LPP: variants seen among roughly 807,000 people sequenced by gnomAD.
LPP encodes LIM domain containing preferred translocation partner in lipoma, also known as lipoma-preferred partner.
Under a neutral mutation model 60.4 loss-of-function variants are expected in LPP, and 38 were observed. The ratio of observed to expected loss-of-function variants is 0.63; its 90% CI spans 0.49 to 0.83. The LOEUF (loss-of-function observed/expected upper bound fraction) is 0.83, where lower values mean the gene tolerates loss of function less well. Ranked by LOEUF, LPP falls within the 40% of genes least tolerant of loss-of-function variation. The pLI, the probability that LPP is intolerant of heterozygous loss-of-function variation, is 0.00. For synonymous variants in LPP, 328 were observed against 290.8 expected (o/e 1.13, Z -1.30); for missense variants, 902 against 783.6 (o/e 1.15, Z -1.80).
intron 6 of LPP, among the ~76,000 whole-genome samples, chr3:188,602,652 G>C (rs1030673592): frequency 6.7e-6 from 1 of 149,952 alleles, no homozygotes; most frequent in East Asian, 2.0e-4. Context: ...TAGGTACCTC[G>C]ACCCCAGTGA....
intron 5 of LPP, among the ~76,000 whole-genome samples, chr3:188,507,439 C>T (rs1813859533): frequency 6.6e-6 from 1 of 151,666 alleles, no homozygotes; most frequent in African/African-American, 2.4e-5. Context: ...TCCTTAGTGC[C>T]ATTTCGAAAG....
Position 188,491,978 on chromosome 3 carries a change from A to G in LPP, c.306+7274A>G, listed in dbSNP as rs545972202. ...TTGATAGTGGAGTATGTGTACATAT[A>G]CACATACCCACCTACTCACCTATAT... On this transcript the variant is annotated intron_variant, in intron 5 of 11. Transcript: ENST00000617246. Among the ~76,000 whole-genome samples the G allele has an allele frequency of 2.7e-4, 41 of 152,316 alleles. No individual in the cohort carries two copies. In the South Asian group the frequency reaches 2.9e-3, roughly 11 times the overall value.
chr3:188,753,580 CGTGTGTGTGT>C (rs141731350), intron 8 of LPP, among the ~76,000 whole-genome samples: 252 of 139,626 alleles, frequency 1.8e-3, no homozygotes, highest in African/African-American at 6.1e-3. Context: ...TTGTTGTGTG[CGTGTGTGTGT>C]GTGTGTGTGT....
chr3:188,501,738 C>CA (rs1162399889), intron 5 of LPP, among the ~76,000 whole-genome samples: 5 of 133,844 alleles, frequency 3.7e-5, no homozygotes, highest in South Asian at 2.4e-4. Flanking sequence ...GACTCCATCT[C>CA]AAAAAAAACA....
intron 7 of LPP, among the ~76,000 whole-genome samples, chr3:188,673,360 T>C (rs1242907385): frequency 2.6e-5 from 4 of 152,014 alleles, no homozygotes; most frequent in African/African-American, 4.8e-5. Context: ...TAGAGTCATA[T>C]CAAAGAAAAA....
rs1037590952 is a variant in LPP, at chr3:188,609,016, A to G, written c.430-145A>G. On this transcript the variant is annotated intron_variant, in intron 6 of 11. Transcript: ENST00000617246. This position sits in a 1 kb window ranked among gnomAD's most constrained non-coding sequence, Gnocchi z 6.9. ...TTGTGTTCATCTGTGAACACTTTGA[A>G]GGCAAGATTATGCCTTATTTGTGTT... The G allele has an allele frequency of 2.2e-5, 15 of 670,912 alleles. No homozygotes were observed. Among genetic ancestry groups the G allele is most frequent in the African/African-American group, 3.6e-5 (2 of 54,906 alleles). 41.6% of individuals were successfully genotyped at this position (670,912 alleles called of 1,614,324 possible).
rs1054344223 is a variant in LPP at position 188,861,169 on chromosome 3, G to C, written c.1411-5031G>C. Among the ~76,000 whole-genome samples the C allele has an allele frequency of 2.0e-5, 3 of 152,298 alleles. No individual in the cohort carries two copies. In the South Asian group the frequency reaches 6.2e-4, roughly 32 times the overall value. On this transcript the variant is annotated intron_variant, in intron 9 of 11. Coordinates refer to ENST00000617246, the MANE Select transcript of LPP (RefSeq NM_001375462.1). Reference sequence around the variant, plus strand: ...TGTTTCCCTGAAGAAAGGATTATGGGTGAATGGCCAAGTAAAAGAAGGTGA... The same window carrying C: ...TGTTTCCCTGAAGAAAGGATTATGGCTGAATGGCCAAGTAAAAGAAGGTGA...
At chr3:188,178,623 G>A (rs1197334940) in intron 1 of LPP, 1 of 152,344 alleles carries the variant, frequency 6.6e-6, no homozygotes, top group African/African-American at 2.4e-5. Flanking sequence ...TAGTCAATGT[G>A]AGAATCTTTC....
chr3:188,178,436 CT>C (rs1364867039), intron 1 of LPP: 1 of 152,236 alleles, frequency 6.6e-6, no homozygotes, highest in East Asian at 1.9e-4. Flanking sequence ...TGACTGTTCG[CT>C]TTTGCAAGAT....
At chr3:188,292,118 T>A (rs1032167865) in intron 2 of LPP, among the ~76,000 whole-genome samples, 2 of 152,206 alleles carry the variant, frequency 1.3e-5, no homozygotes, top group African/African-American at 4.8e-5. Flanking sequence ...TTTTCAAAAA[T>A]CAAATGTCAA....
chr3:188,162,467 A>G (rs1718578849), intron 1 of LPP, among the ~76,000 whole-genome samples: 1 of 152,208 alleles, frequency 6.6e-6, no homozygotes, highest in Admixed American at 6.5e-5. Flanking sequence ...AATTAGTAGC[A>G]TTAGGTGACT....
At chr3:188,394,263 C>T (rs9826278) in intron 3 of LPP, among the ~76,000 whole-genome samples, 4,173 of 152,240 alleles carry the variant, frequency 0.027, 71 homozygotes, top group Middle Eastern at 0.051. Flanking sequence ...TTTTGTGATT[C>T]TAGAGGGCAC....
intron 8 of LPP, among the ~76,000 whole-genome samples, chr3:188,753,707 T>C (rs558262192): frequency 1.3e-5 from 2 of 152,138 alleles, no homozygotes; most frequent in African/African-American, 2.4e-5. Context: ...TCCGAAACTG[T>C]TTTGTGTCTA....
At chr3:188,873,254 A>G (rs1292456273) in intron 11 of LPP, among the ~76,000 whole-genome samples, 4 of 152,200 alleles carry the variant, frequency 2.6e-5, no homozygotes, top group Non-Finnish European at 4.4e-5. Context: ...CTTCCCGCAG[A>G]GTATAACCAT....
intron 9 of LPP, among the ~76,000 whole-genome samples, chr3:188,762,494 C>T (rs1057080329): frequency 3.9e-5 from 6 of 152,112 alleles, no homozygotes; most frequent in South Asian, 4.2e-4. Flanking sequence ...ACATACTCCT[C>T]GCATTTTTAC....
chr3:188,179,592 C>T (rs1172150744), intron 1 of LPP: 1 of 417,994 alleles, frequency 2.4e-6, no homozygotes, highest in Non-Finnish European at 4.8e-6. Context: ...CTGCCAGCAG[C>T]ATTCCTTCTA....
At chr3:188,239,955 A>G (rs1723327845) in intron 2 of LPP, 2 of 200,378 alleles carry the variant, frequency 1.0e-5, no homozygotes, top group East Asian at 7.7e-5. Flanking sequence ...TTTTATCCCA[A>G]ACACCTCACT....
intron 2 of LPP, among the ~76,000 whole-genome samples, chr3:188,227,129 C>T (rs1279345692): frequency 6.6e-6 from 1 of 152,076 alleles, no homozygotes; most frequent in African/African-American, 2.4e-5. Flanking sequence ...GAGAGATTTC[C>T]TTAACAAGAG....
intron 9 of LPP, among the ~76,000 whole-genome samples, chr3:188,789,006 C>G (rs1390351055): frequency 6.6e-6 from 1 of 152,106 alleles, no homozygotes. Context: ...TCCCTGTAGA[C>G]CTTGCTGTTC....
Sources: gnomAD v4.1 joint callset for allele counts (sites outside exome capture counted in the v4.1 genomes callset) on GRCh38, gnomAD v4.1.1 for gene constraint, Gnocchi (gnomAD v3.1) non-coding constraint, MANE v1.5 for transcripts, NCBI Gene and HGNC (gene_info 2026-07-23, HGNC 2026-07-21) for gene names.